SBNO2: variants seen among roughly 807,000 people sequenced by gnomAD.
The protein encoded by SBNO2 is protein strawberry notch homolog 2.
A neutral mutation model predicts 146.3 loss-of-function variants in SBNO2; 89 were observed. That is an observed-to-expected ratio of 0.61 (90% CI 0.51 to 0.73). The LOEUF (loss-of-function observed/expected upper bound fraction) is 0.73, where lower values mean the gene tolerates loss of function less well. Ranked by LOEUF, SBNO2 falls within the 30% of genes least tolerant of loss-of-function variation. The pLI is 0.00. For missense variants in SBNO2, 2,092 were observed against 2,003.7 expected (o/e 1.04, Z -0.84); for synonymous variants, 1,147 against 892.6 (o/e 1.29, Z -5.08).
At position 1,116,864 on chromosome 19, in the gene SBNO2, G is replaced by C. The variant is rs771282788; in HGVS notation, c.1767C>G (p.Asn589Lys). 6.3e-7 allele frequency: 1 copy of C among 1,591,610 alleles called. No individual in the cohort carries two copies. The highest frequency in any genetic ancestry group is 8.5e-7 in the Non-Finnish European group (1 of 1,171,386). The change falls in exon 16 of 32, where the codon AAC becomes AAG. Residue 589 changes from asparagine to lysine, a missense_variant. Coordinates refer to ENST00000361757, the MANE Select transcript of SBNO2 (RefSeq NM_014963.3). ...EARTREVLGE[N>K]DGHLNCFVSA... ...AGACGAAGCAGTTGAGGTGCCCATC[G>C]TTCTCCCCCAGCACCTCCCGCGTGC...
intron 14 of SBNO2, among the ~76,000 whole-genome samples, chr19:1,118,536 G>A (rs947090542): frequency 6.6e-6 from 1 of 151,978 alleles, no homozygotes; most frequent in Non-Finnish European, 1.5e-5. Flanking sequence ...GAAGGGGGGC[G>A]GTGGTTTGGT....
intron 4 of SBNO2, among the ~76,000 whole-genome samples, chr19:1,146,678 G>A (rs1018626255): frequency 6.6e-5 from 10 of 150,670 alleles, no homozygotes; most frequent in African/African-American, 2.4e-4. Flanking sequence ...GAGCTGCCGA[G>A]AGGAAGCTGG....
rs991686071 is a variant in SBNO2, at chr19:1,157,230, T to C, written c.-126-2828A>G. ...TCTTGCAGCAGCTGTGACCACGCCATGTCTCTGGGGCATCCAGCTGCCCCA... is the reference window on the plus strand; with the variant it reads ...TCTTGCAGCAGCTGTGACCACGCCACGTCTCTGGGGCATCCAGCTGCCCCA... On this transcript the variant is annotated intron_variant, in intron 1 of 31. Coordinates refer to ENST00000361757, the MANE Select transcript of SBNO2 (RefSeq NM_014963.3). This position sits in a 1 kb window ranked among gnomAD's most constrained non-coding sequence, Gnocchi z 6.8. Among the ~76,000 whole-genome samples, 14 of 151,762 alleles carry C rather than the reference T, an allele frequency of 9.2e-5. No homozygotes were observed. The highest frequency in any genetic ancestry group is 7.2e-4 in the Admixed American group (11 of 15,210).
At chr19:1,155,604 G>A (rs1488883497) in intron 1 of SBNO2, among the ~76,000 whole-genome samples, 1 of 152,196 alleles carries the variant, frequency 6.6e-6, no homozygotes, top group Non-Finnish European at 1.5e-5. Flanking sequence ...AAAGATTCTG[G>A]GTCAGGCAGG....
intron 1 of SBNO2, among the ~76,000 whole-genome samples, chr19:1,170,246 C>T (rs545171283): frequency 2.6e-5 from 4 of 152,344 alleles, no homozygotes; most frequent in Non-Finnish European, 2.9e-5. Context: ...GGTTTGCCTT[C>T]GCCCGCAGGG....
intron 4 of SBNO2, among the ~76,000 whole-genome samples, chr19:1,133,141 GGAGGACGGCCGGGCTGTGGA>G (rs1385143035): frequency 2.0e-5 from 3 of 152,166 alleles, no homozygotes; most frequent in African/African-American, 4.8e-5. Flanking sequence ...AGAGGGGGTG[GGAGGACGGCCGGGCTGTGGA>G]GAGGACGGGC....
Position 1,122,941 on chromosome 19 carries a change from C to T in SBNO2, c.733G>A (p.Gly245Arg), listed in dbSNP as rs754158966. 23 of 1,559,702 alleles carry T rather than the reference C, an allele frequency of 1.5e-5. No individual in the cohort carries two copies. The highest frequency in any genetic ancestry group is 9.5e-5 in the African/African-American group (7 of 73,496). The change falls in exon 8 of 32, where the codon GGG (glycine) becomes AGG (arginine). Residue 245 changes from glycine (G) to arginine (R), a missense_variant. Physicochemically the swap from Gly to Arg is moderately radical, Grantham distance 125 (BLOSUM62 -2). Transcript: ENST00000361757. ...TCTAGCTGCAGGGCAGACAGGGCCC[C>T]GCTGTCCGAGGGCAGGGCCAGGGTG... ...TYTLALPSDS[G>R]ALSALQLEAI...
In SBNO2 at chr19:1,158,991, G is replaced by A. The variant is rs987144248; in HGVS notation, c.-126-4589C>T. Among the ~76,000 whole-genome samples the A allele has an allele frequency of 1.3e-5, 2 of 149,426 alleles. No homozygotes were observed. The highest frequency in any genetic ancestry group is 3.9e-4 in the East Asian group (2 of 5,144). ...CAGCTGCAACCGCCGCCCCACGGCC[G>A]TGACCCCACCTGCACCCGCGACCCC... On this transcript the variant is annotated intron_variant, in intron 1 of 31. Coordinates refer to ENST00000361757, the MANE Select transcript of SBNO2 (RefSeq NM_014963.3). The surrounding 1 kb of genome is among the most constrained non-coding windows in gnomAD (Gnocchi z 9.9).
Position 1,122,364 on chromosome 19 carries a change from T to C in SBNO2, c.1006-82A>G, listed in dbSNP as rs558205456. 8 of 1,515,506 alleles carry C rather than the reference T, an allele frequency of 5.3e-6. No homozygotes were observed. In the East Asian group the frequency reaches 1.9e-4, roughly 37 times the overall value. 93.9% of individuals were successfully genotyped at this position (1,515,506 alleles called of 1,614,324 possible). On this transcript the variant is annotated intron_variant, in intron 10 of 31. Coordinates refer to ENST00000361757, the MANE Select transcript of SBNO2 (RefSeq NM_014963.3). ...TGGGTCTCCCTATCTGTAAGGGTGC[T>C]GGGCAGAGCCTGCCCTGGCTGCTGG... is the stretch of plus-strand genomic sequence containing the variant.
chr19:1,135,409 T>C (rs1260881534), intron 4 of SBNO2, among the ~76,000 whole-genome samples: 1 of 152,218 alleles, frequency 6.6e-6, no homozygotes, highest in Non-Finnish European at 1.5e-5. Flanking sequence ...TCTCAGTTTT[T>C]AAAAGACCTG....
chr19:1,153,725 G>A (rs547219835), intron 2 of SBNO2, among the ~76,000 whole-genome samples: 50 of 150,836 alleles, frequency 3.3e-4, no homozygotes, highest in African/African-American at 1.0e-3. Context: ...TTTAGCAGAA[G>A]CGAGGTTTCA....
chr19:1,116,765 G>A, intron 16 of SBNO2, 64 bp downstream of exon 16: 2 of 1,409,262 alleles, frequency 1.4e-6, no homozygotes, highest in Non-Finnish European at 1.9e-6. Context: ...GCCACAGGTG[G>A]CCACAGAGAG....
At chr19:1,139,304 G>A (rs1417783918) in intron 4 of SBNO2, among the ~76,000 whole-genome samples, 1 of 152,198 alleles carries the variant, frequency 6.6e-6, no homozygotes, top group Non-Finnish European at 1.5e-5. Context: ...CCACAGAGAC[G>A]GGAAGGGGAT....
chr19:1,112,325 GC>G lies in SBNO2; in HGVS notation c.2516-25del. 1 of 1,571,310 alleles carries G rather than the reference GC, an allele frequency of 6.4e-7. No homozygotes were observed. The highest frequency in any genetic ancestry group is 8.6e-7 in the Non-Finnish European group (1 of 1,160,150). On this transcript the variant is annotated intron_variant, in intron 21 of 31. Transcript: ENST00000361757. This position sits in a 1 kb window ranked among gnomAD's most constrained non-coding sequence, Gnocchi z 5.9. ...GCCTGGGGGCAGAGCTGCTCTCAGG[GC>G]CCGGCCAGGCGGGGGCGGGGCCGAG...
chr19:1,173,008 T>A lies in SBNO2; in HGVS notation c.-127+1164A>T, dbSNP rs1447139339. 1.1e-4 allele frequency among the ~76,000 whole-genome samples: 13 copies of A among 119,522 alleles called. No individual in the cohort carries two copies. Among genetic ancestry groups the A allele is most frequent in the Non-Finnish European group, 2.0e-4 (11 of 55,284 alleles). 78.4% of individuals were successfully genotyped at this position (119,522 alleles called of 152,430 possible). A position where few individuals can be genotyped will look rare whatever the true frequency, so the allele number is the denominator to read the frequency against. ...TTAAGAGATTTTTTTTTTTTTTTTT[T>A]AACTTTTCAGAATGTTAATCAGTTC... On this transcript the variant is annotated intron_variant, in intron 1 of 31. Transcript: ENST00000361757. The surrounding 1 kb of genome is among the most constrained non-coding windows in gnomAD (Gnocchi z 4.7).
chr19:1,113,356 C>G (rs1469804334), intron 19 of SBNO2, among the ~76,000 whole-genome samples, 179 bp downstream of exon 19: 1 of 152,196 alleles, frequency 6.6e-6, no homozygotes, highest in Non-Finnish European at 1.5e-5. Flanking sequence ...GTCGTGGCCT[C>G]CCGGGCCGAG....
At chr19:1,119,382 A>G (rs2079871948) in intron 13 of SBNO2, 134 bp downstream of exon 13, 1 of 880,524 alleles carries the variant, frequency 1.1e-6, no homozygotes, top group Admixed American at 2.5e-5. Context: ...CGAGGCAGTG[A>G]AACGAGCGAC....
intron 11 of SBNO2, among the ~76,000 whole-genome samples, chr19:1,121,748 C>T (rs2079903278): frequency 6.6e-6 from 1 of 152,166 alleles, no homozygotes; most frequent in Admixed American, 6.5e-5. Flanking sequence ...GCTCAGTGGC[C>T]ACCCTCTGCC....
intron 2 of SBNO2, among the ~76,000 whole-genome samples, chr19:1,149,760 A>G (rs964649914): frequency 6.6e-6 from 1 of 152,120 alleles, no homozygotes; most frequent in Non-Finnish European, 1.5e-5. Flanking sequence ...CATCTCACAC[A>G]AGACCTGGGG....
Sources: gnomAD v4.1 joint callset for allele counts (sites outside exome capture counted in the v4.1 genomes callset) on GRCh38, gnomAD v4.1.1 for gene constraint, Gnocchi (gnomAD v3.1) non-coding constraint, MANE v1.5 for transcripts, NCBI Gene and HGNC (gene_info 2026-07-23, HGNC 2026-07-21) for gene names.